The following TRMT1L variants were observed in gnomAD, a reference collection of about 807,000 sequenced individuals.
TRMT1L encodes the protein tRNA (guanine(27)-N(2))-dimethyltransferase.
In TRMT1L, 28 loss-of-function variants were observed where a neutral mutation model predicts 81.6. That is an observed-to-expected ratio of 0.34 (90% CI 0.25 to 0.47). The LOEUF (loss-of-function observed/expected upper bound fraction) is 0.47. TRMT1L is among the 20% of genes least tolerant of loss of function. The pLI is 1.00. For synonymous variants in TRMT1L, 301 were observed against 303.2 expected (o/e 0.99, Z 0.07); for missense variants, 739 against 877.1 (o/e 0.84, Z 1.99).
chr1:185,147,432 C>T (rs902513293), intron 3 of TRMT1L, among the ~76,000 whole-genome samples, 186 bp from the exon 4 acceptor site: 6 of 152,080 alleles, frequency 3.9e-5, no homozygotes, highest in African/African-American at 1.4e-4. Flanking sequence ...TGCATATATA[C>T]ATATGTATAT....
chr1:185,151,956 G>C (rs1653362506), intron 1 of TRMT1L, 21 bp from the exon 2 acceptor site: 2 of 1,469,964 alleles, frequency 1.4e-6, no homozygotes, highest in Non-Finnish European at 1.9e-6. Context: ...AAATTGAGAA[G>C]ATTATGCTTT....
At position 185,120,112 on chromosome 1, in the gene TRMT1L, G is replaced by A; in HGVS notation, c.2109C>T (p.Ser703=). The change falls in exon 15 of 15, where the codon AGC becomes AGT. Residue 703 remains serine, a synonymous_variant. Transcript: ENST00000367506. The part of the protein sequence containing the change: ...TPTYTGGQSE[S]HVQSASEDTV... ...TATCTTCAGATGCTGACTGGACATG[G>A]CTTTCTGACTGTCCTCCAGTGTAGG... The A allele has an allele frequency of 6.2e-7, 1 of 1,613,912 alleles. No individual in the cohort carries two copies. Among genetic ancestry groups the A allele is most frequent in the African/African-American group, 1.3e-5 (1 of 74,986 alleles).
intron 1 of TRMT1L, among the ~76,000 whole-genome samples, chr1:185,155,732 C>T (rs1653509373): frequency 6.6e-6 from 1 of 152,202 alleles, no homozygotes; most frequent in African/African-American, 2.4e-5. Flanking sequence ...GAAAGTGTTA[C>T]TCATCAGTCT....
intron 9 of TRMT1L, among the ~76,000 whole-genome samples, chr1:185,138,227 G>C (rs932630695): frequency 6.6e-6 from 1 of 152,084 alleles, no homozygotes; most frequent in African/African-American, 2.4e-5. Flanking sequence ...AAAAAGAACA[G>C]TCAAAGTCCT....
chr1:185,133,903 C>T (rs757038415), intron 10 of TRMT1L, among the ~76,000 whole-genome samples: 1 of 152,092 alleles, frequency 6.6e-6, no homozygotes, highest in Non-Finnish European at 1.5e-5. Flanking sequence ...CAGCAATAGA[C>T]AGCAAATAAA....
chr1:185,145,447 T>C lies in TRMT1L; in HGVS notation c.647A>G (p.Tyr216Cys). Residue 216 changes from tyrosine (Y) to cysteine (C), a missense_variant, in exon 5 of 15, where the codon TAT (tyrosine) becomes TGT (cysteine). Physicochemically the swap from Tyr to Cys is radical, Grantham distance 194. This residue lies in a region of TRMT1L where 331 missense variants were observed against 462.2 expected (regional missense o/e 0.72). Coordinates refer to ENST00000367506, the MANE Select transcript of TRMT1L (RefSeq NM_030934.5). ...HMNKGETKSS[Y>C]IAASTAKPPK... The stretch of plus-strand genomic sequence containing the variant: ...GAGATTGCTCAACTTACCTGCAATA[T>C]AACTAGATTTAGTCTCTCCTTTATT... 1 of 1,610,094 alleles carries C rather than the reference T, an allele frequency of 6.2e-7. No homozygotes were observed. Among genetic ancestry groups the C allele is most frequent in the African/African-American group, 1.3e-5 (1 of 74,962 alleles).
At chr1:185,149,876 ATTTGTT>A (rs1557992826) in intron 3 of TRMT1L, among the ~76,000 whole-genome samples, 2 of 151,810 alleles carry the variant, frequency 1.3e-5, no homozygotes, top group African/African-American at 4.8e-5. Flanking sequence ...TAATTGAAAT[ATTTGTT>A]TGTTTCCATT....
chr1:185,141,850 A>T (rs182950597), intron 7 of TRMT1L, among the ~76,000 whole-genome samples: 24 of 152,322 alleles, frequency 1.6e-4, no homozygotes, highest in African/African-American at 5.8e-4. Flanking sequence ...TTTGATTGAT[A>T]AATAACATTA....
intron 11 of TRMT1L, among the ~76,000 whole-genome samples, chr1:185,128,304 G>A (rs962330520): frequency 2.4e-4 from 37 of 152,232 alleles, no homozygotes; most frequent in African/African-American, 8.9e-4. Flanking sequence ...CCTTTTACAT[G>A]AGTTGGCTCT....
Position 185,156,631 on chromosome 1 carries a change from C to T in TRMT1L, c.82G>A (p.Ala28Thr), listed in dbSNP as rs779034576. 1 of 1,604,772 alleles carries T rather than the reference C, an allele frequency of 6.2e-7. No homozygotes were observed. Among genetic ancestry groups the T allele is most frequent in the Admixed American group, 1.7e-5 (1 of 58,720 alleles). ...GCTGGGACCCCAGCCGAGTCCCGGGCCGGGGTCGGGACCTGGACCTGGGCC... is the reference window on the plus strand; with the variant it reads ...GCTGGGACCCCAGCCGAGTCCCGGGTCGGGGTCGGGACCTGGACCTGGGCC... ...EVAQVQVPTPARDSAGVPAPA... is the reference protein window; with the variant it reads ...EVAQVQVPTPTRDSAGVPAPA... The change falls in exon 1 of 15, where the codon GCC (alanine) becomes ACC (threonine). Residue 28 changes from alanine (A) to threonine (T), a missense_variant. Around this residue, in one of 4 missense-constraint regions of TRMT1L, gnomAD observed 209 missense variants for 165.4 expected, o/e 1.26. Transcript: ENST00000367506.
At chr1:185,136,561 CAGT>C (rs1186921264) in intron 10 of TRMT1L, among the ~76,000 whole-genome samples, 1 of 152,172 alleles carries the variant, frequency 6.6e-6, no homozygotes, top group African/African-American at 2.4e-5. Flanking sequence ...TCAAAAATCA[CAGT>C]ATCTATTCTC....
chr1:185,145,707 A>T, intron 4 of TRMT1L, 139 bp from the exon 5 acceptor site: 1 of 707,130 alleles, frequency 1.4e-6, no homozygotes, highest in Non-Finnish European at 2.2e-6. Context: ...ACTTTGAAGT[A>T]TCTTAACTTC....
chr1:185,154,193 ATAT>A (rs1346318725), intron 1 of TRMT1L, among the ~76,000 whole-genome samples: 2 of 152,168 alleles, frequency 1.3e-5, no homozygotes, highest in Admixed American at 6.5e-5. Flanking sequence ...GTAATTTTTC[ATAT>A]TATTATTATT....
At chr1:185,128,857 T>C (rs1004133132) in intron 10 of TRMT1L, 110 bp from the exon 11 acceptor site, 5 of 922,328 alleles carry the variant, frequency 5.4e-6, no homozygotes, top group African/African-American at 5.1e-5. Context: ...GGATCTACTA[T>C]GTGCCAGGTA....
At chr1:185,150,282 G>T in intron 3 of TRMT1L, 97 bp downstream of exon 3, 2 of 817,196 alleles carry the variant, frequency 2.4e-6, no homozygotes, top group Non-Finnish European at 2.0e-6. Context: ...ATTTTAAACT[G>T]AAAATATTTG....
At chr1:185,127,053 G>GC (rs1324946537) in intron 11 of TRMT1L, among the ~76,000 whole-genome samples, 11 of 152,186 alleles carry the variant, frequency 7.2e-5, no homozygotes, top group Non-Finnish European at 1.6e-4. Flanking sequence ...CTAAGTTCTA[G>GC]CCTTGGCTGT....
intron 7 of TRMT1L, among the ~76,000 whole-genome samples, chr1:185,141,906 C>A (rs1309843612): frequency 1.3e-5 from 2 of 152,066 alleles, no homozygotes; most frequent in African/African-American, 2.4e-5. Flanking sequence ...ACAGGCAAGA[C>A]AAACTGGAGG....
chr1:185,153,826 T>G (rs768315157), intron 1 of TRMT1L, among the ~76,000 whole-genome samples: 9 of 152,160 alleles, frequency 5.9e-5, no homozygotes, highest in African/African-American at 1.9e-4. Context: ...TCTCTAATAT[T>G]ATGTTATTAG....
At chr1:185,140,282 T>C (rs973531973) in intron 7 of TRMT1L, 60 bp from the exon 8 acceptor site, 46 of 1,317,206 alleles carry the variant, frequency 3.5e-5, no homozygotes, top group Non-Finnish European at 4.7e-5. Flanking sequence ...AGAATAAAAA[T>C]GGTATAACAA....
Sources: allele counts gnomAD v4.1 joint callset (sites outside exome capture counted in the v4.1 genomes callset), GRCh38; gene constraint gnomAD v4.1.1; regional missense constraint gnomAD v4.1.1; transcripts MANE v1.5; gene names NCBI Gene and HGNC (gene_info 2026-07-23, HGNC 2026-07-21).